ZNF181: variants seen among roughly 807,000 people sequenced by gnomAD.
The protein encoded by ZNF181 is zinc finger protein 181 (HHZ181).
A neutral mutation model predicts 11.9 loss-of-function variants in ZNF181; 8 were observed. The ratio of observed to expected loss-of-function variants is 0.67; its 90% CI spans 0.39 to 1.21. The LOEUF is 1.21. ZNF181 is among the 50% of genes most tolerant of loss of function. The pLI is 0.01. For synonymous variants in ZNF181, 202 were observed against 221.1 expected (o/e 0.91, Z 0.77); for missense variants, 542 against 670.9 (o/e 0.81, Z 2.12).
intron 1 of ZNF181, chr19:34,736,021 C>T: frequency 1.5e-6 from 1 of 673,472 alleles, no homozygotes; most frequent in East Asian, 2.7e-5. Context: ...TGCACATGCT[C>T]ATTGTCTGTT....
At chr19:34,738,118 T>A (rs2068913386) in intron 1 of ZNF181, among the ~76,000 whole-genome samples, 1 of 152,290 alleles carries the variant, frequency 6.6e-6, no homozygotes. Flanking sequence ...ATAAATATAT[T>A]TTTCTTTTTT....
chr19:34,736,916 G>A (rs1314150332), intron 1 of ZNF181, among the ~76,000 whole-genome samples: 4 of 152,166 alleles, frequency 2.6e-5, no homozygotes, highest in African/African-American at 9.7e-5. Flanking sequence ...GCTCTAACTT[G>A]TAATAACCTG....
At chr19:34,737,093 T>G (rs2068900188) in intron 1 of ZNF181, among the ~76,000 whole-genome samples, 1 of 152,252 alleles carries the variant, frequency 6.6e-6, no homozygotes, top group South Asian at 2.1e-4. Context: ...GGATTGTATC[T>G]GCTTGGCTAT....
At chr19:34,736,269 T>C in intron 1 of ZNF181, 2 of 674,060 alleles carry the variant, frequency 3.0e-6, no homozygotes, top group Non-Finnish European at 5.4e-6. Context: ...ATAATTAGAA[T>C]TGAAAAACTG....
At position 34,744,862 on chromosome 19, in the gene ZNF181, C is replaced by T. The variant is rs775070926; in HGVS notation, c.*2765C>T. On this transcript the variant is annotated 3_prime_UTR_variant, in exon 4 of 4. Transcript: ENST00000492450. ...TAATGCCCAGATTTTGTTTCCACTA[C>T]ACATAGTTTAATGCTACCATGTCAC... 9 of 152,094 alleles carry T rather than the reference C, an allele frequency of 5.9e-5. No homozygotes were observed. Among genetic ancestry groups the T allele is most frequent in the Admixed American group, 1.3e-4 (2 of 15,270 alleles). 9.4% of individuals were successfully genotyped at this position (152,094 alleles called of 1,614,324 possible). A position where few individuals can be genotyped will look rare whatever the true frequency, so the allele number is the denominator to read the frequency against.
Position 34,739,622 on chromosome 19 carries a change from G to A in ZNF181, c.229+1G>A, listed in dbSNP as rs564020148. On this transcript the variant is annotated splice_donor_variant, in intron 3 of 3. Transcript: ENST00000492450. LOFTEE classifies it high-confidence loss of function. Reference sequence around the variant, plus strand: ...AAACTGTCAAAAGGTATGATTCCAGGTGAGTCATGGTGAACGAGACAAAGG... The same window carrying A: ...AAACTGTCAAAAGGTATGATTCCAGATGAGTCATGGTGAACGAGACAAAGG... The A allele has an allele frequency of 2.2e-4, 350 of 1,613,990 alleles. No individual in the cohort carries two copies. Among genetic ancestry groups the A allele is most frequent in the Non-Finnish European group, 2.8e-4 (327 of 1,179,878 alleles).
rs2068998762 is a variant in ZNF181 at position 34,742,735 on chromosome 19, C to CT, written c.*639dup. ...AGTTCTACTTAGAAATTCTTTTTAG[C>CT]TAGTGGGCATGTGAAGATATTTAGT... On this transcript the variant is annotated 3_prime_UTR_variant, in exon 4 of 4. Coordinates refer to ENST00000492450, the MANE Select transcript of ZNF181 (RefSeq NM_001029997.4). 6.6e-6 allele frequency: 1 copy of CT among 152,266 alleles called. No homozygotes were observed. Among genetic ancestry groups the CT allele is most frequent in the Non-Finnish European group, 1.5e-5 (1 of 68,022 alleles). 9.4% of individuals were successfully genotyped at this position (152,266 alleles called of 1,614,324 possible).
In ZNF181 at chr19:34,734,950, C is replaced by G. The variant is rs915318462; in HGVS notation, c.-88C>G. The G allele has an allele frequency of 1.7e-5, 24 of 1,414,388 alleles. No individual in the cohort carries two copies. The African/African-American group carries it at 3.5e-4, about 20-fold the overall frequency. 87.6% of individuals were successfully genotyped at this position (1,414,388 alleles called of 1,614,324 possible). On this transcript the variant is annotated 5_prime_UTR_variant, in exon 1 of 4. Coordinates refer to ENST00000492450, the MANE Select transcript of ZNF181 (RefSeq NM_001029997.4). ...CCTGATTTTTCATGACTGCTTTTTC[C>G]TGCCCTTCTGTGCCCTCAGGACACT...
Position 34,741,748 on chromosome 19 carries a change from T to C in ZNF181, c.1367T>C (p.Ile456Thr). 6.2e-7 allele frequency: 1 copy of C among 1,613,912 alleles called. No homozygotes were observed. Residue 456 changes from isoleucine to threonine, a missense_variant, in exon 4 of 4, where the codon ATT becomes ACT. Coordinates refer to ENST00000492450, the MANE Select transcript of ZNF181 (RefSeq NM_001029997.4). ...ESLNMHLRNH[I>T]RLKPYECSIC... Reference sequence around the variant, plus strand: ...CTGAATATGCATTTGAGAAATCACATTAGATTGAAACCCTACGAATGCAGT... The same window carrying C: ...CTGAATATGCATTTGAGAAATCACACTAGATTGAAACCCTACGAATGCAGT...
chr19:34,739,308 T>A, intron 2 of ZNF181, 40 bp downstream of exon 2: 1 of 1,607,878 alleles, frequency 6.2e-7, no homozygotes, highest in Non-Finnish European at 8.5e-7. Flanking sequence ...GGGGACACCT[T>A]TCTTTTGCCA....
Position 34,745,110 on chromosome 19 carries a change from T to C in ZNF181, c.*3013T>C, listed in dbSNP as rs1318652483. The C allele has an allele frequency of 6.6e-6, 1 of 152,238 alleles. No individual in the cohort carries two copies. The highest frequency in any genetic ancestry group is 1.5e-5 in the Non-Finnish European group (1 of 68,030). The allele number at this position is 152,238 out of a possible 1,614,324, so 9.4% of individuals were successfully genotyped here. On this transcript the variant is annotated 3_prime_UTR_variant, in exon 4 of 4. Transcript: ENST00000492450. ...GGCTGATGTCATAATGATGTTATGA[T>C]GTCACTGACATCATATTATTTCCTC...
intron 2 of ZNF181, 66 bp downstream of exon 2, chr19:34,739,334 G>A (rs2068934322): frequency 6.2e-7 from 1 of 1,602,830 alleles, no homozygotes; most frequent in African/African-American, 1.3e-5. Context: ...AATTGCTGGA[G>A]ACCCTCCTAA....
Position 34,734,987 on chromosome 19 carries a change from A to G in ZNF181, c.-51A>G. 1 of 1,565,608 alleles carries G rather than the reference A, an allele frequency of 6.4e-7. No homozygotes were observed. Among genetic ancestry groups the G allele is most frequent in the South Asian group, 1.2e-5 (1 of 84,856 alleles). On this transcript the variant is annotated 5_prime_UTR_variant, in exon 1 of 4. Transcript: ENST00000492450. ...GCCCTCAGGACACTGCCCATCTCTA[A>G]GATAAGAGCCTGGAAAGAGGACTCT... is the stretch of plus-strand genomic sequence containing the variant.
At chr19:34,739,328 G>T (rs2068934157) in intron 2 of ZNF181, 60 bp downstream of exon 2, 1 of 1,604,788 alleles carries the variant, frequency 6.2e-7, no homozygotes, top group African/African-American at 1.3e-5. Context: ...ACCCTGAATT[G>T]CTGGAGACCC....
chr19:34,740,776 G>A lies in ZNF181; in HGVS notation c.395G>A (p.Gly132Glu), dbSNP rs1270669948. 1.2e-6 allele frequency: 2 copies of A among 1,613,970 alleles called. No homozygotes were observed. ...ATAGAGAAGTTGGAAGGGAAGCATG[G>A]AAGTCAGGTAGACCATTTCAGACCA... ...EYIEKLEGKH[G>E]SQVDHFRPAI... Residue 132 changes from glycine to glutamate, a missense_variant, in exon 4 of 4, where the codon GGA becomes GAA. By Grantham distance (98) the Gly-to-Glu change is moderately conservative (BLOSUM62 -2). Coordinates refer to ENST00000492450, the MANE Select transcript of ZNF181 (RefSeq NM_001029997.4).
intron 2 of ZNF181, 41 bp downstream of exon 2, chr19:34,739,309 T>C (rs753116621): frequency 4.4e-6 from 7 of 1,607,722 alleles, no homozygotes; most frequent in Non-Finnish European, 5.1e-6. Flanking sequence ...GGGACACCTT[T>C]CTTTTGCCAC....
intron 3 of ZNF181, among the ~76,000 whole-genome samples, chr19:34,740,075 C>G (rs921804651): frequency 1.3e-5 from 2 of 152,048 alleles, no homozygotes; most frequent in African/African-American, 4.8e-5. Context: ...TTCTAATGTC[C>G]AATAAATGAC....
intron 3 of ZNF181, 101 bp downstream of exon 3, chr19:34,739,722 G>A (rs571602999): frequency 1.7e-6 from 2 of 1,184,438 alleles, no homozygotes; most frequent in East Asian, 4.8e-5. Context: ...TAGGTATACT[G>A]TTTTCAAAGA....
rs538854432 is a variant in ZNF181 at position 34,734,868 on chromosome 19, A to G, written c.-170A>G. 5 of 618,300 alleles carry G rather than the reference A, an allele frequency of 8.1e-6. No individual in the cohort carries two copies. In the African/African-American group the frequency reaches 9.3e-5, roughly 11 times the overall value. 38.3% of individuals were successfully genotyped at this position (618,300 alleles called of 1,614,324 possible). On this transcript the variant is annotated 5_prime_UTR_variant, in exon 1 of 4. Coordinates refer to ENST00000492450, the MANE Select transcript of ZNF181 (RefSeq NM_001029997.4). ...TCCCAGGGAGAGATTGGCGCCCTGG[A>G]GAGTGATTACCAGTGTGCCTTTCCA...
Sources: gnomAD v4.1 joint callset for allele counts (sites outside exome capture counted in the v4.1 genomes callset) on GRCh38, gnomAD v4.1.1 for gene constraint, MANE v1.5 for transcripts, NCBI Gene and HGNC (gene_info 2026-07-23, HGNC 2026-07-21) for gene names.